The following RNF38 variants were observed in gnomAD, a reference collection of about 807,000 sequenced individuals.
The protein encoded by RNF38 is ring finger protein 38.
A neutral mutation model predicts 67.2 loss-of-function variants in RNF38; 15 were observed. That is an observed-to-expected ratio of 0.22 (90% CI 0.15 to 0.34). The LOEUF is 0.34. Among genes scored for constraint, RNF38 ranks in the 10% least tolerant of loss-of-function variants. The pLI is 1.00. For synonymous variants in RNF38, 220 were observed against 218.8 expected (o/e 1.01, Z -0.05); for missense variants, 524 against 639.9 (o/e 0.82, Z 1.95).
chr9:36,406,149 G>A (rs115400789), upstream of RNF38, among the ~76,000 whole-genome samples: 122 of 152,298 alleles, frequency 8.0e-4, no homozygotes, highest in African/African-American at 2.8e-3. Flanking sequence ...CACTGACACC[G>A]ATGTTGGGGG....
intron 1 of RNF38, among the ~76,000 whole-genome samples, chr9:36,399,505 A>T (rs1206139997): frequency 6.8e-6 from 1 of 148,120 alleles, no homozygotes; most frequent in African/African-American, 2.4e-5. Flanking sequence ...TATATTATAT[A>T]ATACCATATT....
At chr9:36,479,900 G>C (rs943163288) in intron 1 of RNF38, among the ~76,000 whole-genome samples, 6 of 152,174 alleles carry the variant, frequency 3.9e-5, no homozygotes, top group African/African-American at 1.4e-4. Context: ...AGGAGTTCAA[G>C]ACCACCATGG....
At chr9:36,411,568 T>C (rs1482338999) in intron 2 of RNF38, among the ~76,000 whole-genome samples, 2 of 151,948 alleles carry the variant, frequency 1.3e-5, no homozygotes, top group Non-Finnish European at 2.9e-5. Flanking sequence ...TACAATGACA[T>C]TTTTTTTCCT....
rs1243738386 is a variant in RNF38, at chr9:36,337,493, G to GTTAA, written c.*2255_*2258dup. On this transcript the variant is annotated 3_prime_UTR_variant, in exon 12 of 12. Coordinates refer to ENST00000259605, the MANE Select transcript of RNF38 (RefSeq NM_022781.5). ...CCTAGTCATTAGTACAATGTGCTGT[G>GTTAA]TTAATTAGATACCTCTATATAAATT... 6.6e-6 allele frequency: 1 copy of GTTAA among 152,602 alleles called. No homozygotes were observed. The highest frequency in any genetic ancestry group is 2.4e-5 in the African/African-American group (1 of 41,410). The allele number at this position is 152,602 out of a possible 1,614,324, so 9.5% of individuals were successfully genotyped here.
chr9:36,423,923 T>TGGGCGACAGAGCG (rs1161990426), intron 2 of RNF38, among the ~76,000 whole-genome samples: 1 of 18,960 alleles, frequency 5.3e-5, no homozygotes, highest in Non-Finnish European at 1.3e-4. Context: ...CACTCCAGCC[T>TGGGCGACAGAGCG]GGGCGACAGA....
intron 1 of RNF38, among the ~76,000 whole-genome samples, chr9:36,484,173 T>C (rs1213023919): frequency 1.3e-5 from 2 of 152,186 alleles, no homozygotes; most frequent in African/African-American, 2.4e-5. Flanking sequence ...TCCCTACACC[T>C]GATATATCAG....
chr9:36,467,709 C>T (rs903706706), intron 1 of RNF38, among the ~76,000 whole-genome samples: 5 of 152,140 alleles, frequency 3.3e-5, no homozygotes, highest in African/African-American at 9.7e-5. Flanking sequence ...CAAATGCCTG[C>T]GCCTCTCACA....
Position 36,352,916 on chromosome 9 carries a change from T to C in RNF38, c.1072-68A>G, listed in dbSNP as rs78841557. 22,164 of 1,142,714 alleles carry C rather than the reference T, an allele frequency of 0.019. 307 individuals are homozygous for C. The highest frequency in any genetic ancestry group is 0.022 in the Non-Finnish European group (17,197 of 778,286). 70.8% of individuals were successfully genotyped at this position (1,142,714 alleles called of 1,614,324 possible). ...TACAAATAGCCTGTCAAATAAAGTA[T>C]CTAATTAAAAAAAGACTTAAACAGT... is the stretch of plus-strand genomic sequence containing the variant. On this transcript the variant is annotated intron_variant, in intron 7 of 11. Coordinates refer to ENST00000259605, the MANE Select transcript of RNF38 (RefSeq NM_022781.5).
At position 36,358,333 on chromosome 9, in the gene RNF38, A is replaced by G. The variant is rs888024178; in HGVS notation, c.571-391T>C. ...TACAACTAGTGAAACAATGTAAAGT[A>G]TATTTTTAAAAAAATGAAATCTCAT... On this transcript the variant is annotated intron_variant, in intron 4 of 11. Transcript: ENST00000259605. Among the ~76,000 whole-genome samples, 3 of 152,236 alleles carry G rather than the reference A, an allele frequency of 2.0e-5. No homozygotes were observed. The East Asian group carries it at 5.8e-4, about 29-fold the overall frequency.
chr9:36,463,376 T>C (rs1839781189), intron 1 of RNF38, among the ~76,000 whole-genome samples: 1 of 152,212 alleles, frequency 6.6e-6, no homozygotes, highest in African/African-American at 2.4e-5. Flanking sequence ...ATTTAGATAA[T>C]ATGAGTCTGA....
intron 5 of RNF38, among the ~76,000 whole-genome samples, chr9:36,356,736 TGGGGCGGGTGTGGGG>T (rs1195102996): frequency 2.6e-4 from 1 of 3,884 alleles, no homozygotes; most frequent in Non-Finnish European, 5.0e-4. Context: ...GAAAAAGGGT[TGGGGCGGGTGTGGGG>T]GGGGCGGGGG....
intron 1 of RNF38, among the ~76,000 whole-genome samples, chr9:36,393,284 T>C (rs1837247953): frequency 6.6e-6 from 1 of 152,180 alleles, no homozygotes; most frequent in South Asian, 2.1e-4. Context: ...CCTGTGGCCA[T>C]AATTTTCAAG....
At chr9:36,389,999 T>TA (rs776961730) in intron 2 of RNF38, among the ~76,000 whole-genome samples, 28 of 151,976 alleles carry the variant, frequency 1.8e-4, no homozygotes, top group Non-Finnish European at 2.9e-4. Context: ...ATTTTATATT[T>TA]AAAAAAAAAT....
intron 3 of RNF38, among the ~76,000 whole-genome samples, chr9:36,374,123 C>T (rs1003535770): frequency 6.6e-6 from 1 of 152,200 alleles, no homozygotes; most frequent in Non-Finnish European, 1.5e-5. Context: ...ACTTTATCTG[C>T]TAGCCATATA....
At chr9:36,406,146 A>G (rs1172547710), upstream of RNF38, among the ~76,000 whole-genome samples, 1 of 152,208 alleles carries the variant, frequency 6.6e-6, no homozygotes, top group Non-Finnish European at 1.5e-5. Flanking sequence ...TATCACTGAC[A>G]CCGATGTTGG....
intron 3 of RNF38, among the ~76,000 whole-genome samples, chr9:36,372,052 T>C (rs1263891047): frequency 6.6e-6 from 1 of 151,824 alleles, no homozygotes; most frequent in Non-Finnish European, 1.5e-5. Flanking sequence ...TGCCTCAGCC[T>C]CCCGAGTAGC....
At chr9:36,480,089 C>T (rs976093613) in intron 1 of RNF38, among the ~76,000 whole-genome samples, 1 of 152,082 alleles carries the variant, frequency 6.6e-6, no homozygotes, top group Non-Finnish European at 1.5e-5. Context: ...AGTGATTCTC[C>T]TGTCTCAGCC....
chr9:36,400,425 C>A (rs995548178), upstream of RNF38: 8 of 1,106,306 alleles, frequency 7.2e-6, no homozygotes, highest in African/African-American at 9.8e-5. Flanking sequence ...CTCGCCACCG[C>A]GGGAACAAAG....
intron 1 of RNF38, among the ~76,000 whole-genome samples, chr9:36,464,302 C>T (rs1415624644): frequency 6.6e-6 from 1 of 152,028 alleles, no homozygotes; most frequent in East Asian, 1.9e-4. Context: ...GGCGCAGTGG[C>T]TCACGCCTGT....
Sources: allele counts gnomAD v4.1 joint callset (sites outside exome capture counted in the v4.1 genomes callset), GRCh38; gene constraint gnomAD v4.1.1; transcripts MANE v1.5; gene names NCBI Gene and HGNC (gene_info 2026-07-23, HGNC 2026-07-21).